Variants in MICALL1 observed in about 807,000 individuals in gnomAD.
MICALL1 encodes MICAL-like protein 1.
A neutral mutation model predicts 83.7 loss-of-function variants in MICALL1; 61 were observed. The ratio of observed to expected loss-of-function variants is 0.73; its 90% confidence interval spans 0.59 to 0.90. The LOEUF is 0.90. Among genes scored for constraint, MICALL1 ranks in the 40% least tolerant of loss-of-function variants. The pLI is 0.00. For missense variants in MICALL1, 1,066 were observed against 1,152.0 expected (o/e 0.93, Z 1.08); for synonymous variants, 481 against 473.6 (o/e 1.02, Z -0.20).
At chr22:37,929,697 G>A (rs1261876969) in intron 9 of MICALL1, among the ~76,000 whole-genome samples, 3 of 152,226 alleles carry the variant, frequency 2.0e-5, no homozygotes, top group African/African-American at 7.2e-5. Context: ...GGGATTGCCT[G>A]GGCTCAGTAC....
chr22:37,920,468 T>A (rs889321986), intron 5 of MICALL1, among the ~76,000 whole-genome samples: 12 of 151,648 alleles, frequency 7.9e-5, no homozygotes, highest in Non-Finnish European at 2.9e-5. Flanking sequence ...CAGGGCAGTG[T>A]TTTAGAAACT....
At chr22:37,908,793 G>A (rs780388731) in intron 1 of MICALL1, among the ~76,000 whole-genome samples, 1 of 152,192 alleles carries the variant, frequency 6.6e-6, no homozygotes, top group Non-Finnish European at 1.5e-5. Context: ...AGGGCTGGGG[G>A]TGGGAGACCT....
intron 3 of MICALL1, among the ~76,000 whole-genome samples, chr22:37,912,721 C>T (rs1601806155): frequency 6.6e-6 from 1 of 150,966 alleles, no homozygotes; most frequent in Non-Finnish European, 1.5e-5. Flanking sequence ...GGCTGGATTG[C>T]GATGGCACGA....
At chr22:37,934,789 G>GA (rs1930002579) in intron 13 of MICALL1, among the ~76,000 whole-genome samples, 1 of 150,800 alleles carries the variant, frequency 6.6e-6, no homozygotes, top group Non-Finnish European at 1.5e-5. Context: ...GTAGAGACCA[G>GA]GTTTCACCAT....
chr22:37,910,410 C>T (rs1159089092), intron 1 of MICALL1, among the ~76,000 whole-genome samples: 1 of 151,942 alleles, frequency 6.6e-6, no homozygotes, highest in Non-Finnish European at 1.5e-5. Flanking sequence ...TGGAAAAAGC[C>T]TCTGTTGGGG....
In MICALL1 at chr22:37,924,762, G is replaced by T; in HGVS notation, c.1082+45G>T. On this transcript the variant is annotated intron_variant, in intron 7 of 15. Coordinates refer to ENST00000215957, the MANE Select transcript of MICALL1 (RefSeq NM_033386.4). The surrounding 1 kb of genome is among the most constrained non-coding windows in gnomAD (Gnocchi z 5.2). The stretch of plus-strand genomic sequence containing the variant: ...GCTTTCCTGCTTTGGAGGTCCTGGT[G>T]GTGGGAATCAGGGTACTCTGGGGCC... 1 of 1,597,822 alleles carries T rather than the reference G, an allele frequency of 6.3e-7. No homozygotes were observed. Among genetic ancestry groups the T allele is most frequent in the African/African-American group, 1.3e-5 (1 of 74,670 alleles).
intron 3 of MICALL1, among the ~76,000 whole-genome samples, chr22:37,913,300 C>T (rs1485941132): frequency 6.6e-6 from 1 of 152,194 alleles, no homozygotes; most frequent in African/African-American, 2.4e-5. Context: ...CTGTGCTGGG[C>T]TCTGGGGATG....
At chr22:37,928,266 G>A (rs1929597770) in intron 9 of MICALL1, among the ~76,000 whole-genome samples, 1 of 151,826 alleles carries the variant, frequency 6.6e-6, no homozygotes, top group Non-Finnish European at 1.5e-5. Context: ...GAGTGCAGTG[G>A]TGTGATCTCG....
rs768186913 is a variant in MICALL1 at position 37,926,042 on chromosome 22, G to C, written c.1464G>C (p.Leu488=). The change falls in exon 8 of 16, where the codon CTG becomes CTC. Residue 488 remains leucine, a splice_region_variant and synonymous_variant. Coordinates refer to ENST00000215957, the MANE Select transcript of MICALL1 (RefSeq NM_033386.4). The part of the protein sequence containing the change: ...PAPRAPSASP[L]ALHASRLSHS... ...CGCGCGCACCCAGCGCGTCCCCACT[G>C]GGTGAGTGCCTTTCCTGGAGCTCTC... 2.5e-6 allele frequency: 4 copies of C among 1,588,356 alleles called. No individual in the cohort carries two copies. Among genetic ancestry groups the C allele is most frequent in the Non-Finnish European group, 2.6e-6 (3 of 1,164,958 alleles).
chr22:37,906,619 C>G lies in MICALL1; in HGVS notation c.146+51C>G. On this transcript the variant is annotated intron_variant, in intron 1 of 15. Transcript: ENST00000215957. The surrounding 1 kb of genome is among the most constrained non-coding windows in gnomAD (Gnocchi z 4.4). ...GGCGGCGCGGGGCGGGCTGGGGCCG[C>G]GACCGCCGCCCCCCCTCAGTAACAC... 3 of 1,141,028 alleles carry G rather than the reference C, an allele frequency of 2.6e-6. No individual in the cohort carries two copies. Among genetic ancestry groups the G allele is most frequent in the East Asian group, 4.3e-5 (1 of 23,068 alleles). The allele number at this position is 1,141,028 out of a possible 1,614,324, so 70.7% of individuals were successfully genotyped here. A position where few individuals can be genotyped will look rare whatever the true frequency, so the allele number is the denominator to read the frequency against.
At chr22:37,916,360 A>G (rs537245561) in intron 3 of MICALL1, among the ~76,000 whole-genome samples, 1 of 152,350 alleles carries the variant, frequency 6.6e-6, no homozygotes, top group South Asian at 2.1e-4. Flanking sequence ...AAGAAAAGGT[A>G]CAGTTTGTGC....
chr22:37,927,913 T>A, intron 9 of MICALL1, 87 bp downstream of exon 9: 1 of 1,407,296 alleles, frequency 7.1e-7, no homozygotes, highest in Non-Finnish European at 9.4e-7. Flanking sequence ...CAGGGCCTTT[T>A]CTTAATTTTT....
intron 8 of MICALL1, 165 bp from the exon 9 acceptor site, chr22:37,927,246 G>A (rs1047331797): frequency 2.4e-5 from 19 of 796,308 alleles, no homozygotes; most frequent in East Asian, 8.3e-5. Flanking sequence ...CATGACTTCC[G>A]TCCTGCCGGG....
At chr22:37,936,777 A>C (rs1930146668) in intron 13 of MICALL1, among the ~76,000 whole-genome samples, 1 of 152,072 alleles carries the variant, frequency 6.6e-6, no homozygotes, top group African/African-American at 2.4e-5. Flanking sequence ...CTGTAGTCCC[A>C]GCTACTCGGG....
intron 3 of MICALL1, among the ~76,000 whole-genome samples, chr22:37,913,377 A>G (rs1928462375): frequency 6.6e-6 from 1 of 152,186 alleles, no homozygotes. Context: ...CCCACCAGAA[A>G]ATGAACACAA....
chr22:37,922,601 A>ATATATATATATATT (rs1432520739), intron 6 of MICALL1, among the ~76,000 whole-genome samples, 175 bp downstream of exon 6: 3 of 31,944 alleles, frequency 9.4e-5, no homozygotes, highest in African/African-American at 1.1e-4. Flanking sequence ...ATATATATAT[A>ATATATATATATATT]TTTTTTTTTT....
At chr22:37,928,437 A>T (rs1403389254) in intron 9 of MICALL1, among the ~76,000 whole-genome samples, 1 of 152,040 alleles carries the variant, frequency 6.6e-6, no homozygotes, top group East Asian at 1.9e-4. Flanking sequence ...CGATCTCCTG[A>T]CCTCACGATC....
intron 13 of MICALL1, among the ~76,000 whole-genome samples, chr22:37,936,223 G>A (rs1356113246): frequency 1.3e-5 from 2 of 152,278 alleles, no homozygotes; most frequent in East Asian, 1.9e-4. Flanking sequence ...CAGCAGGTGT[G>A]CCCAGCTTCA....
chr22:37,933,729 C>A (rs144012045), intron 13 of MICALL1, among the ~76,000 whole-genome samples: 5 of 152,296 alleles, frequency 3.3e-5, no homozygotes, highest in Admixed American at 2.0e-4. Context: ...TATGGAGATT[C>A]CAGAGTTGGG....
Sources: allele counts gnomAD v4.1 joint callset (sites outside exome capture counted in the v4.1 genomes callset), GRCh38; gene constraint gnomAD v4.1.1; non-coding constraint Gnocchi (gnomAD v3.1); transcripts MANE v1.5; gene names NCBI Gene and HGNC (gene_info 2026-07-23, HGNC 2026-07-21).